The following C6orf118 variants were observed in gnomAD, a reference collection of about 807,000 sequenced individuals.
C6orf118 encodes the protein uncharacterized protein C6orf118.
Under a neutral mutation model 50.2 loss-of-function variants are expected in C6orf118, and 50 were observed. The observed-to-expected ratio is 1.00, with a 90% CI of 0.79 to 1.26. The LOEUF (loss-of-function observed/expected upper bound fraction) is 1.26. Among genes scored for constraint, C6orf118 ranks in the 50% most tolerant of loss-of-function variants. The pLI is 0.00. For missense variants in C6orf118, 641 were observed against 578.7 expected (o/e 1.11, Z -1.10); for synonymous variants, 239 against 230.9 (o/e 1.03, Z -0.32).
chr6:165,293,371 CAGCA>C, intron 6 of C6orf118, 38 bp downstream of exon 6: 1 of 1,590,114 alleles, frequency 6.3e-7, no homozygotes, highest in Non-Finnish European at 8.6e-7. Context: ...ATGAAGGTCA[CAGCA>C]AAGCACCCAT....
intron 5 of C6orf118, 142 bp downstream of exon 5, chr6:165,297,835 C>T (rs1780364246): frequency 2.5e-6 from 3 of 1,215,878 alleles, no homozygotes; most frequent in Middle Eastern, 2.0e-4. Context: ...GTAGAAATAG[C>T]CAGATGACAG....
At chr6:165,289,741 G>A in intron 7 of C6orf118, 145 bp downstream of exon 7, 1 of 455,136 alleles carries the variant, frequency 2.2e-6, no homozygotes, top group Non-Finnish European at 3.8e-6. Context: ...ATGATTATTT[G>A]CTACAAACAT....
chr6:165,282,604 A>G (rs1338431904), intron 7 of C6orf118, among the ~76,000 whole-genome samples: 1 of 151,694 alleles, frequency 6.6e-6, no homozygotes, highest in African/African-American at 2.4e-5. Context: ...TTAAATGTTC[A>G]TAAAAGTGTC....
chr6:165,294,109 G>A (rs1200559557), intron 5 of C6orf118, among the ~76,000 whole-genome samples: 1 of 151,856 alleles, frequency 6.6e-6, no homozygotes, highest in Non-Finnish European at 1.5e-5. Context: ...AGCTGGGTGT[G>A]GTGGTGGGTG....
intron 4 of C6orf118, among the ~76,000 whole-genome samples, chr6:165,298,419 T>C (rs1465673807): frequency 6.6e-6 from 1 of 152,210 alleles, no homozygotes; most frequent in Non-Finnish European, 1.5e-5. Context: ...AGGCACATTG[T>C]CAGTGGCACC....
At chr6:165,299,410 G>A (rs895528187) in intron 4 of C6orf118, 33 bp downstream of exon 4, 2 of 1,599,558 alleles carry the variant, frequency 1.3e-6, no homozygotes, top group East Asian at 2.2e-5. Flanking sequence ...GGATAAGCAG[G>A]CTCTATTCAG....
chr6:165,286,894 C>A (rs988493875), intron 7 of C6orf118, among the ~76,000 whole-genome samples: 2 of 152,132 alleles, frequency 1.3e-5, no homozygotes, highest in African/African-American at 4.8e-5. Context: ...TCGCTCACCA[C>A]TCCTATTCAA....
intron 8 of C6orf118, among the ~76,000 whole-genome samples, chr6:165,280,692 C>T (rs1354757158): frequency 6.6e-6 from 1 of 152,144 alleles, no homozygotes; most frequent in Non-Finnish European, 1.5e-5. Flanking sequence ...AAATGGAAAG[C>T]CTCAAAATGA....
chr6:165,302,214 C>A lies in C6orf118; in HGVS notation c.108G>T (p.Lys36Asn). Residue 36 changes from lysine (K) to asparagine (N), a missense_variant, in exon 2 of 9, where the codon AAG becomes AAT. Physicochemically the swap from Lys to Asn is moderately conservative, Grantham distance 94 (BLOSUM62 0). Coordinates refer to ENST00000230301, the MANE Select transcript of C6orf118 (RefSeq NM_144980.4). ...NLKHCETPGV[K>N]TLCNLKKLLN... ...GAAGTTTCTTCAGATTACACAGGGT[C>A]TTCACTCCTGGCGTCTCGCAGTGCT... 1.2e-6 allele frequency: 2 copies of A among 1,612,754 alleles called. No homozygotes were observed. Among genetic ancestry groups the A allele is most frequent in the Non-Finnish European group, 1.7e-6 (2 of 1,179,084 alleles).
intron 8 of C6orf118, among the ~76,000 whole-genome samples, chr6:165,280,784 T>C (rs1417528074): frequency 6.6e-6 from 1 of 152,152 alleles, no homozygotes; most frequent in Admixed American, 6.5e-5. Context: ...AAGGCAGCCA[T>C]ATTGAGACCC....
In C6orf118 at chr6:165,300,421, G is replaced by C. The variant is rs756399055; in HGVS notation, c.819C>G (p.Val273=). 1.9e-6 allele frequency: 3 copies of C among 1,613,924 alleles called. No individual in the cohort carries two copies. The highest frequency in any genetic ancestry group is 2.5e-6 in the Non-Finnish European group (3 of 1,179,852). ...QFNRLHVFGK[V]FEDICNSSLI... ...AAGAACTGTTACAAATATCTTCAAA[G>C]ACTTTTCCAAAGACGTGCAGTCTGT... The change falls in exon 3 of 9, where the codon GTC becomes GTG. Residue 273 remains valine, a synonymous_variant. Coordinates refer to ENST00000230301, the MANE Select transcript of C6orf118 (RefSeq NM_144980.4).
At chr6:165,307,220 C>T (rs1212817533) in intron 1 of C6orf118, among the ~76,000 whole-genome samples, 1 of 145,038 alleles carries the variant, frequency 6.9e-6, no homozygotes, top group Non-Finnish European at 1.5e-5. Context: ...ACCCCCCCCA[C>T]CCCACCAACC....
At chr6:165,292,222 A>C (rs1019960918) in intron 6 of C6orf118, among the ~76,000 whole-genome samples, 1 of 152,176 alleles carries the variant, frequency 6.6e-6, no homozygotes, top group African/African-American at 2.4e-5. Context: ...CCCTCAAGAC[A>C]TAACTATAGG....
chr6:165,292,526 T>G lies in C6orf118; in HGVS notation c.1120+887A>C, dbSNP rs73788317. Among the ~76,000 whole-genome samples, 751 of 152,320 alleles carry G rather than the reference T, an allele frequency of 4.9e-3. 4 individuals are homozygous for G. The highest frequency in any genetic ancestry group is 0.017 in the African/African-American group (720 of 41,558). ...GCCCTTAAGTTTCTGCTTTTTTGTT[T>G]TTTTGTTTTGTTTTTAAATCGTGGG... On this transcript the variant is annotated intron_variant, in intron 6 of 8. Transcript: ENST00000230301.
intron 4 of C6orf118, among the ~76,000 whole-genome samples, chr6:165,299,214 G>A (rs1042458249): frequency 3.3e-5 from 5 of 152,198 alleles, no homozygotes; most frequent in African/African-American, 1.2e-4. Flanking sequence ...AGATAGTTAT[G>A]TCGCTTGTTT....
intron 6 of C6orf118, among the ~76,000 whole-genome samples, chr6:165,292,592 A>C (rs1212907568): frequency 1.3e-5 from 2 of 152,196 alleles, no homozygotes; most frequent in Admixed American, 1.3e-4. Flanking sequence ...AACACCAAGC[A>C]TGGGTCCTAT....
chr6:165,288,152 T>C (rs1205954983), intron 7 of C6orf118, among the ~76,000 whole-genome samples: 2 of 152,120 alleles, frequency 1.3e-5, no homozygotes, highest in African/African-American at 4.8e-5. Flanking sequence ...AAAGAAGACA[T>C]ACATGTGGCC....
intron 7 of C6orf118, among the ~76,000 whole-genome samples, chr6:165,286,634 C>G (rs1041234994): frequency 6.6e-6 from 1 of 151,822 alleles, no homozygotes; most frequent in Non-Finnish European, 1.5e-5. Flanking sequence ...ATACACAAAT[C>G]GGTAAAATTT....
Position 165,301,755 on chromosome 6 carries a change from C to T in C6orf118, c.567G>A (p.Glu189=), listed in dbSNP as rs1191393829. The T allele has an allele frequency of 6.2e-7, 1 of 1,614,106 alleles. No homozygotes were observed. The change falls in exon 2 of 9, where the codon GAG becomes GAA. Residue 189 remains glutamate (E), a synonymous_variant. Transcript: ENST00000230301. ...LPDLKVLCYQ[E]AGSRGTRDRH... is the part of the protein sequence containing the mutation. ...GGTCCCTGGTGCCTCTGGACCCGGC[C>T]TCCTGGTAGCACAGCACCTTCAAGT... is the stretch of plus-strand genomic sequence containing the variant.
Sources: allele counts gnomAD v4.1 joint callset (sites outside exome capture counted in the v4.1 genomes callset), GRCh38; gene constraint gnomAD v4.1.1; transcripts MANE v1.5; gene names NCBI Gene and HGNC (gene_info 2026-07-23, HGNC 2026-07-21).